Variants in TEX48 observed in about 807,000 individuals in gnomAD.
TEX48 encodes testis expressed 48, also known as testis-expressed protein 48.
Under a neutral mutation model 13.2 loss-of-function variants are expected in TEX48, and 10 were observed. That is an observed-to-expected ratio of 0.75 (90% CI 0.47 to 1.28). The LOEUF is 1.28. Ranked by LOEUF, TEX48 falls within the 50% of genes most tolerant of loss-of-function variation. TEX48 has a pLI of 0.00. For synonymous variants in TEX48, 45 were observed against 52.3 expected, an observed-to-expected ratio of 0.86 and a Z score of 0.60; for missense variants, 116 against 139.4, an observed-to-expected ratio of 0.83 and a Z score of 0.84.
chr9:114,671,484 A>G lies in TEX48; in HGVS notation c.26T>C (p.Leu9Ser), dbSNP rs759915694. The G allele has an allele frequency of 7.8e-6, 12 of 1,535,110 alleles. No homozygotes were observed. Among genetic ancestry groups the G allele is most frequent in the Non-Finnish European group, 1.0e-5 (12 of 1,146,842 alleles). Residue 9 changes from leucine (L) to serine (S), a missense_variant, in exon 3 of 5, where the codon TTG becomes TCG. By Grantham distance (145) the Leu-to-Ser change is moderately radical (BLOSUM62 -2). Transcript: ENST00000436752. MAAHQNLI[L>S]KIFCLCCRDC... ...CCTGCAGCATAAACAGAAGATCTTC[A>G]AGATCAGGTTTTGGTGGGCTGCTGT...
intron 3 of TEX48, among the ~76,000 whole-genome samples, chr9:114,669,671 C>T (rs534813239): frequency 6.6e-6 from 1 of 152,106 alleles, no homozygotes; most frequent in Non-Finnish European, 1.5e-5. Flanking sequence ...AAACTCCCAA[C>T]CTCAGGTGAT....
At chr9:114,668,116 A>G in intron 4 of TEX48, 90 bp downstream of exon 4, 1 of 1,468,648 alleles carries the variant, frequency 6.8e-7, no homozygotes, top group South Asian at 1.3e-5. Context: ...CATCTCGCTT[A>G]GCTGAAGTAT....
rs1827848050 is a variant in TEX48, at chr9:114,666,681, G to A, written c.325C>T (p.His109Tyr). ...KRNLNRYCQE[H>Y]WPFQPCLTGR... ...GTGAGGCATGGCTGGAATGGCCAGTGCTCCTGGCAGTAGCGGTTTAAGTTT... is the reference window on the plus strand; with the variant it reads ...GTGAGGCATGGCTGGAATGGCCAGTACTCCTGGCAGTAGCGGTTTAAGTTT... Residue 109 changes from histidine (H) to tyrosine (Y), a missense_variant, in exon 5 of 5, where the codon CAC (histidine) becomes TAC (tyrosine). Physicochemically the swap from His to Tyr is moderately conservative, Grantham distance 83. Transcript: ENST00000436752. 9 of 1,535,052 alleles carry A rather than the reference G, an allele frequency of 5.9e-6. No individual in the cohort carries two copies. The highest frequency in any genetic ancestry group is 7.0e-6 in the Non-Finnish European group (8 of 1,146,412).
intron 3 of TEX48, among the ~76,000 whole-genome samples, chr9:114,669,577 G>A (rs1827908171): frequency 6.6e-6 from 1 of 152,122 alleles, no homozygotes; most frequent in African/African-American, 2.4e-5. Flanking sequence ...GAATAGCTGG[G>A]ATTACAGACA....
chr9:114,674,975 T>C (rs913712065), intron 1 of TEX48, among the ~76,000 whole-genome samples: 2 of 151,992 alleles, frequency 1.3e-5, no homozygotes, highest in African/African-American at 2.4e-5. Flanking sequence ...CCAGCTTCAT[T>C]TCCTAACACT....
chr9:114,667,130 G>A (rs1364166050), intron 4 of TEX48, among the ~76,000 whole-genome samples: 1 of 152,198 alleles, frequency 6.6e-6, no homozygotes, highest in African/African-American at 2.4e-5. Context: ...GAGTGGGCGA[G>A]CTAGTGGGGT....
chr9:114,681,305 C>T (rs1828196072), intron 1 of TEX48, among the ~76,000 whole-genome samples: 1 of 152,186 alleles, frequency 6.6e-6, no homozygotes, highest in African/African-American at 2.4e-5. Context: ...AGTAGAACCA[C>T]TTTCTCCTCT....
In TEX48 at chr9:114,671,749, G is replaced by T. The variant is rs751564653; in HGVS notation, c.-26C>A. The T allele has an allele frequency of 6.5e-7, 1 of 1,535,550 alleles. No individual in the cohort carries two copies. Among genetic ancestry groups the T allele is most frequent in the Non-Finnish European group, 8.7e-7 (1 of 1,146,796 alleles). On this transcript the variant is annotated 5_prime_UTR_variant, in exon 2 of 5. Transcript: ENST00000436752. ...GGAAAGGAGTTGAAACTTCTACTCT[G>T]CCAGCTTTGTCTGCAGGGGTGCCTT...
At chr9:114,679,353 G>T (rs1828141700) in intron 1 of TEX48, among the ~76,000 whole-genome samples, 1 of 150,916 alleles carries the variant, frequency 6.6e-6, no homozygotes, top group Non-Finnish European at 1.5e-5. Flanking sequence ...TGTTCTTTAA[G>T]AATTTGGAGT....
intron 1 of TEX48, among the ~76,000 whole-genome samples, chr9:114,674,262 T>A (rs947769224): frequency 2.7e-5 from 4 of 150,596 alleles, no homozygotes; most frequent in African/African-American, 9.7e-5. Flanking sequence ...CAACTCTGTC[T>A]TCAATTCCTC....
At chr9:114,670,633 G>T (rs10817664) in intron 3 of TEX48, among the ~76,000 whole-genome samples, 34,597 of 151,872 alleles carry the variant, frequency 0.23, 4,158 homozygotes, top group Admixed American at 0.3. Flanking sequence ...CCCTTGACAT[G>T]GTAGCCTAGG....
chr9:114,668,454 T>TG, intron 3 of TEX48, 117 bp from the exon 4 acceptor site: 1 of 841,596 alleles, frequency 1.2e-6, no homozygotes, highest in Admixed American at 2.1e-5. Context: ...TATTATGGGG[T>TG]GGGGGTGTAC....
At chr9:114,680,025 C>T (rs1289796015) in intron 1 of TEX48, among the ~76,000 whole-genome samples, 1 of 151,532 alleles carries the variant, frequency 6.6e-6, no homozygotes, top group Non-Finnish European at 1.5e-5. Flanking sequence ...AGCAGCCTGG[C>T]TATCTAAGGT....
Position 114,671,751 on chromosome 9 carries a change from C to T in TEX48, c.-28G>A, listed in dbSNP as rs980008750. 22 of 1,535,454 alleles carry T rather than the reference C, an allele frequency of 1.4e-5. No individual in the cohort carries two copies. The highest frequency in any genetic ancestry group is 1.8e-5 in the Non-Finnish European group (21 of 1,146,828). ...AAAGGAGTTGAAACTTCTACTCTGC[C>T]AGCTTTGTCTGCAGGGGTGCCTTGT... On this transcript the variant is annotated 5_prime_UTR_variant, in exon 2 of 5. Transcript: ENST00000436752.
chr9:114,681,335 C>T (rs1412814471), intron 1 of TEX48, among the ~76,000 whole-genome samples: 2 of 152,078 alleles, frequency 1.3e-5, no homozygotes, highest in Non-Finnish European at 1.5e-5. Context: ...CAGCAGAGAG[C>T]TTTGAGTTTT....
intron 1 of TEX48, among the ~76,000 whole-genome samples, chr9:114,681,110 T>A (rs1828190794): frequency 6.6e-6 from 1 of 152,206 alleles, no homozygotes; most frequent in Non-Finnish European, 1.5e-5. Context: ...ATTCTCTTTT[T>A]CTCTCTTTTT....
chr9:114,673,661 T>A (rs1310601049), intron 1 of TEX48, among the ~76,000 whole-genome samples: 3 of 151,936 alleles, frequency 2.0e-5, no homozygotes, highest in African/African-American at 4.8e-5. Context: ...CATTATAAGA[T>A]AAACAAAAAT....
At chr9:114,680,860 C>T (rs910859633) in intron 1 of TEX48, among the ~76,000 whole-genome samples, 1 of 152,186 alleles carries the variant, frequency 6.6e-6, no homozygotes, top group African/African-American at 2.4e-5. Flanking sequence ...AGGTACATTT[C>T]ATAGCTAAAG....
At chr9:114,668,119 T>C in intron 4 of TEX48, 87 bp downstream of exon 4, 4 of 1,481,876 alleles carry the variant, frequency 2.7e-6, no homozygotes, top group Non-Finnish European at 3.6e-6. Context: ...CTCGCTTAGC[T>C]GAAGTATCAA....
Sources: allele counts gnomAD v4.1 joint callset (sites outside exome capture counted in the v4.1 genomes callset), GRCh38; gene constraint gnomAD v4.1.1; transcripts MANE v1.5; gene names NCBI Gene and HGNC (gene_info 2026-07-23, HGNC 2026-07-21).